The following RASL12 variants were observed in gnomAD, a reference collection of about 807,000 sequenced individuals.
RASL12 encodes the protein RAS like family 12, also known as ras-like protein family member 12.
In RASL12, 16 loss-of-function variants were observed where a neutral mutation model predicts 22.9. The observed-to-expected ratio is 0.70, with a 90% CI of 0.47 to 1.06. The LOEUF is 1.06. Among genes scored for constraint, RASL12 ranks in the 50% least tolerant of loss-of-function variants. The pLI is 0.00. For missense variants in RASL12, 306 were observed against 353.1 expected, an observed-to-expected ratio of 0.87 and a Z score of 1.07; for synonymous variants, 159 against 152.2, an observed-to-expected ratio of 1.04 and a Z score of -0.33.
Position 65,055,059 on chromosome 15 carries a change from T to C in RASL12, c.641A>G (p.His214Arg), listed in dbSNP as rs1215898942. 6.2e-7 allele frequency: 1 copy of C among 1,613,380 alleles called. No homozygotes were observed. The highest frequency in any genetic ancestry group is 1.1e-5 in the South Asian group (1 of 90,914). The change falls in exon 5 of 5, where the codon CAT becomes CGT. Residue 214 changes from histidine to arginine, a missense_variant. By Grantham distance (29) the His-to-Arg change is conservative (BLOSUM62 0). Transcript: ENST00000220062. ...LPHQAPLTARHGLASCTFNTL... is the reference protein window; with the variant it reads ...LPHQAPLTARRGLASCTFNTL... ...GTTGAAGGTGCAGCTGGCCAGCCCA[T>C]GCCGCGCGGTGAGCGGGGCCTGGTG...
chr15:65,053,213 C>T (rs756703771), downstream of RASL12: 5 of 1,602,820 alleles, frequency 3.1e-6, no homozygotes, highest in South Asian at 4.4e-5. Flanking sequence ...GATGTGGGCT[C>T]AGCTCAGTGG....
rs368565363 is a variant in RASL12 at position 65,055,187 on chromosome 15, G to A, written c.513C>T (p.His171=). The change falls in exon 5 of 5, where the codon CAC becomes CAT. Residue 171 remains histidine, a synonymous_variant. Coordinates refer to ENST00000220062, the MANE Select transcript of RASL12 (RefSeq NM_016563.4). Reference sequence around the variant, plus strand: ...CTGCCTCGTGGAAGACATGCTGCACGTGCTCAAAGTCCAGACAGGCAGAGA... The same window carrying A: ...CTGCCTCGTGGAAGACATGCTGCACATGCTCAAAGTCCAGACAGGCAGAGA... The part of the protein sequence containing the change: ...FEVSACLDFE[H]VQHVFHEAVR... The A allele has an allele frequency of 6.6e-5, 107 of 1,612,146 alleles. No individual in the cohort carries two copies. Among genetic ancestry groups the A allele is most frequent in the South Asian group, 1.5e-4 (14 of 90,902 alleles).
At chr15:65,065,781 G>A (rs2086868919) in intron 1 of RASL12, among the ~76,000 whole-genome samples, 1 of 152,158 alleles carries the variant, frequency 6.6e-6, no homozygotes, top group Non-Finnish European at 1.5e-5. Flanking sequence ...TCCAGGTAAG[G>A]TCCAGGTGAG....
Position 65,055,193 on chromosome 15 carries a change from A to T in RASL12, c.507T>A (p.Phe169Leu). 6.2e-7 allele frequency: 1 copy of T among 1,612,208 alleles called. No individual in the cohort carries two copies. Among genetic ancestry groups the T allele is most frequent in the Non-Finnish European group, 8.5e-7 (1 of 1,179,642 alleles). The change falls in exon 5 of 5, where the codon TTT (phenylalanine) becomes TTA (leucine). Residue 169 changes from phenylalanine (F) to leucine (L), a missense_variant. By Grantham distance (22) the Phe-to-Leu change is conservative. Transcript: ENST00000220062. ...LFFEVSACLD[F>L]EHVQHVFHEA... ...CGTGGAAGACATGCTGCACGTGCTC[A>T]AAGTCCAGACAGGCAGAGACCTCGA... is the stretch of plus-strand genomic sequence containing the variant.
At chr15:65,072,528 G>A (rs2086939057), upstream of RASL12, among the ~76,000 whole-genome samples, 3 of 152,322 alleles carry the variant, frequency 2.0e-5, no homozygotes, top group Non-Finnish European at 2.9e-5. Context: ...AGGATGGGGA[G>A]CTAAACATCT....
intron 4 of RASL12, among the ~76,000 whole-genome samples, chr15:65,056,496 T>C (rs2140516450): frequency 6.6e-6 from 1 of 152,292 alleles, no homozygotes; most frequent in South Asian, 2.1e-4. Context: ...ACACTTGCTA[T>C]TATTTGCTTT....
At chr15:65,052,897 C>T, downstream of RASL12, 1 of 1,481,024 alleles carries the variant, frequency 6.8e-7, no homozygotes, top group Non-Finnish European at 9.3e-7. Context: ...CTCTTTAAGC[C>T]ATTTGGGCGA....
exon 1 of RASL12, chr15:65,076,583 G>A (rs970579726): frequency 4.3e-6 from 3 of 703,244 alleles, no homozygotes; most frequent in Non-Finnish European, 5.2e-6. Flanking sequence ...ACCAATTCTG[G>A]ACCCATTATT....
At chr15:65,062,506 T>C (rs7178791) in intron 2 of RASL12, among the ~76,000 whole-genome samples, 8,454 of 152,252 alleles carry the variant, frequency 0.056, 764 homozygotes, top group African/African-American at 0.19. Flanking sequence ...TTAAGGCAAA[T>C]CACTGAGCCC....
downstream of RASL12, among the ~76,000 whole-genome samples, chr15:65,052,371 T>G (rs955930750): frequency 6.7e-6 from 1 of 149,230 alleles, no homozygotes; most frequent in Non-Finnish European, 1.5e-5. Flanking sequence ...GAGGCTTAAG[T>G]GCACACACTA....
downstream of RASL12, chr15:65,053,309 C>A (rs2086681237): frequency 4.2e-6 from 6 of 1,422,624 alleles, no homozygotes; most frequent in South Asian, 3.1e-5. Flanking sequence ...TTAGCAGATA[C>A]AATGAATGAA....
At chr15:65,051,654 C>A (rs754955411), downstream of RASL12, 3 of 1,557,700 alleles carry the variant, frequency 1.9e-6, no homozygotes, top group South Asian at 3.4e-5. Context: ...GGGGTAGAGG[C>A]CCTGCCTTCC....
downstream of RASL12, among the ~76,000 whole-genome samples, chr15:65,052,200 T>G (rs1373697678): frequency 6.6e-6 from 1 of 152,098 alleles, no homozygotes; most frequent in African/African-American, 2.4e-5. Flanking sequence ...TAGGCTGGTT[T>G]GGAGAAGGAA....
In RASL12 at chr15:65,055,097, C is replaced by T; in HGVS notation, c.603G>A (p.Glu201=). The change falls in exon 5 of 5, where the codon GAG becomes GAA. Residue 201 remains glutamate, a synonymous_variant. Transcript: ENST00000220062. ...PLTRPLFISE[E]RALPHQAPLT... ...GCGGGGCCTGGTGGGGCAGGGCCCTCTCCTCGGAGATGAAGAGGGGCCGGG... is the reference window on the plus strand; with the variant it reads ...GCGGGGCCTGGTGGGGCAGGGCCCTTTCCTCGGAGATGAAGAGGGGCCGGG... The T allele has an allele frequency of 6.2e-7, 1 of 1,611,588 alleles. No homozygotes were observed. Among genetic ancestry groups the T allele is most frequent in the South Asian group, 1.1e-5 (1 of 90,664 alleles).
At chr15:65,046,411 A>G in the RASL12 span, among the ~76,000 whole-genome samples, 59,118 of 151,780 alleles carry the variant, frequency 0.39, 12,124 homozygotes, top group South Asian at 0.55. Flanking sequence ...TGGAGGTTGC[A>G]GTGAGCTGAG....
At chr15:65,067,594 C>T (rs2086893574) in intron 1 of RASL12, 139 bp downstream of exon 1, 2 of 1,011,342 alleles carry the variant, frequency 2.0e-6, no homozygotes, top group Non-Finnish European at 2.7e-6. Flanking sequence ...AAGAAAATCA[C>T]GGTGTCTTGT....
chr15:65,075,180 G>A (rs918311097), intron 1 of RASL12, among the ~76,000 whole-genome samples: 5 of 152,240 alleles, frequency 3.3e-5, no homozygotes, highest in African/African-American at 7.2e-5. Flanking sequence ...CAGTGGCTGC[G>A]GAGGGTGTAC....
chr15:65,066,172 G>C (rs2086877033), intron 1 of RASL12, among the ~76,000 whole-genome samples: 1 of 150,714 alleles, frequency 6.6e-6, no homozygotes, highest in South Asian at 2.1e-4. Flanking sequence ...TGAAGGGAAG[G>C]AGGGAGGGAG....
At position 65,055,281 on chromosome 15, in the gene RASL12, A is replaced by G. The variant is rs766893264; in HGVS notation, c.426-7T>C. The G allele has an allele frequency of 7.1e-6, 11 of 1,548,222 alleles. No individual in the cohort carries two copies. Reference sequence around the variant, plus strand: ...CTCTGCCTTGGTGACTTGCCTGGTGAGGAAGCAGTGTGAGGCAGGGAGTTA... The same window carrying G: ...CTCTGCCTTGGTGACTTGCCTGGTGGGGAAGCAGTGTGAGGCAGGGAGTTA... On this transcript the variant is annotated splice_region_variant and splice_polypyrimidine_tract_variant and intron_variant, in intron 4 of 4. Coordinates refer to ENST00000220062, the MANE Select transcript of RASL12 (RefSeq NM_016563.4).
Sources: gnomAD v4.1 joint callset for allele counts (sites outside exome capture counted in the v4.1 genomes callset) on GRCh38, gnomAD v4.1.1 for gene constraint, MANE v1.5 for transcripts, NCBI Gene and HGNC (gene_info 2026-07-23, HGNC 2026-07-21) for gene names.